The following PJVK variants were observed in gnomAD, a reference collection of about 807,000 sequenced individuals.
PJVK encodes pejvakin.
A neutral mutation model predicts 37.6 loss-of-function variants in PJVK; 33 were observed. The ratio of observed to expected loss-of-function variants is 0.88; its 90% CI spans 0.67 to 1.17. The LOEUF is 1.17. Among genes scored for constraint, PJVK ranks in the 50% most tolerant of loss-of-function variants. The pLI, the probability that PJVK is intolerant of heterozygous loss-of-function variation, is 0.00. For missense variants in PJVK, 410 were observed against 413.8 expected (o/e 0.99, Z 0.08); for synonymous variants, 141 against 143.5 (o/e 0.98, Z 0.13).
rs2288322 is a variant in PJVK at position 178,458,390 on chromosome 2, C to T, written c.550-120C>T. ...AATGGTTTAATTCAAGCAGAATAAT[C>T]CTTTACTTGGGAATTTTTTGTTTTG... On this transcript the variant is annotated intron_variant, in intron 4 of 6. Transcript: ENST00000644580. 247,146 of 773,078 alleles carry T rather than the reference C, an allele frequency of 0.32. 44,966 individuals carry two copies. Among genetic ancestry groups the T allele is most frequent in the East Asian group, 0.66 (23,780 of 35,850 alleles). The allele number at this position is 773,078 out of a possible 1,614,324, so 47.9% of individuals were successfully genotyped here. A position where few individuals can be genotyped will look rare whatever the true frequency, so the allele number is the denominator to read the frequency against.
At position 178,454,430 on chromosome 2, in the gene PJVK, G is replaced by C; in HGVS notation, c.310G>C (p.Val104Leu). The C allele has an allele frequency of 1.2e-6, 2 of 1,613,972 alleles. No homozygotes were observed. The highest frequency in any genetic ancestry group is 1.7e-6 in the Non-Finnish European group (2 of 1,179,958). ...NHIVNDVGINVAGSDSIAVKA... is the reference protein window; with the variant it reads ...NHIVNDVGINLAGSDSIAVKA... Reference sequence around the variant, plus strand: ...TATTGTAAATGACGTTGGGATTAACGTTGCTGGATCAGATTCCATTGCAGT... The same window carrying C: ...TATTGTAAATGACGTTGGGATTAACCTTGCTGGATCAGATTCCATTGCAGT... The change falls in exon 3 of 7, where the codon GTT (valine) becomes CTT (leucine). Residue 104 changes from valine (V) to leucine (L), a missense_variant. Transcript: ENST00000644580.
chr2:178,460,369 C>T lies in PJVK; in HGVS notation c.689C>T (p.Ser230Leu). ...GTAGACCTTTGTGTCACTTCAGTGT[C>T]AAAAGGAGGATTTGAAAGGGAAGAA... ...GAFDLCVTSVSKGGFEREETA... is the reference protein window; with the variant it reads ...GAFDLCVTSVLKGGFEREETA... The change falls in exon 6 of 7, where the codon TCA (serine) becomes TTA (leucine). Residue 230 changes from serine (S) to leucine (L), a missense_variant. Ser to Leu is a moderately radical substitution (Grantham distance 145). Coordinates refer to ENST00000644580, the MANE Select transcript of PJVK (RefSeq NM_001042702.5). 1 of 1,613,818 alleles carries T rather than the reference C, an allele frequency of 6.2e-7. No homozygotes were observed. Among genetic ancestry groups the T allele is most frequent in the Non-Finnish European group, 8.5e-7 (1 of 1,179,902 alleles).
Position 178,453,438 on chromosome 2 carries a change from T to G in PJVK, c.29T>G (p.Val10Gly), listed in dbSNP as rs1362804893. 22 of 1,614,062 alleles carry G rather than the reference T, an allele frequency of 1.4e-5. No homozygotes were observed. Among genetic ancestry groups the G allele is most frequent in the Non-Finnish European group, 1.9e-5 (22 of 1,180,018 alleles). Residue 10 changes from valine to glycine, a missense_variant, in exon 2 of 7, where the codon GTC becomes GGC. Transcript: ENST00000644580. MFAAATKSF[V>G]KQVGDGGRLV... is the part of the protein sequence containing the mutation. ...TTTGCTGCTGCTACCAAGAGCTTTG[T>G]CAAGCAAGTTGGAGATGGAGGGAGA...
At chr2:178,451,931 C>G in intron 1 of PJVK, 162 bp downstream of exon 1, 3 of 743,078 alleles carry the variant, frequency 4.0e-6, no homozygotes, top group Non-Finnish European at 4.9e-6. Context: ...CAGAAATGCT[C>G]CCCTGTGCTT....
chr2:178,452,677 C>A, intron 1 of PJVK: 1 of 967,172 alleles, frequency 1.0e-6, no homozygotes, highest in Non-Finnish European at 1.2e-6. Context: ...AAAGATGCAG[C>A]AGGACTCCAT....
chr2:178,453,105 A>G (rs1266074913), intron 1 of PJVK: 4 of 362,716 alleles, frequency 1.1e-5, no homozygotes, highest in East Asian at 1.4e-4. Context: ...GATCCTTATC[A>G]TAGACATTGG....
intron 6 of PJVK, 51 bp downstream of exon 6, chr2:178,460,497 T>C (rs761545212): frequency 2.7e-6 from 4 of 1,498,782 alleles, no homozygotes; most frequent in Non-Finnish European, 3.7e-6. Flanking sequence ...CTTTCCTGGC[T>C]TAACACATGA....
chr2:178,460,544 A>T, intron 6 of PJVK, 98 bp downstream of exon 6: 1 of 1,161,864 alleles, frequency 8.6e-7, no homozygotes, highest in Non-Finnish European at 1.2e-6. Flanking sequence ...TTAAGGAAAA[A>T]TTTAAATTTA....
intron 4 of PJVK, 58 bp from the exon 5 acceptor site, chr2:178,458,452 A>C: frequency 7.3e-7 from 1 of 1,363,976 alleles, no homozygotes; most frequent in Admixed American, 1.8e-5. Flanking sequence ...TCATTTCTCC[A>C]AAAAGCTATC....
chr2:178,455,991 T>G lies in PJVK; in HGVS notation c.408-19T>G. The G allele has an allele frequency of 6.2e-7, 1 of 1,612,822 alleles. No homozygotes were observed. Among genetic ancestry groups the G allele is most frequent in the Non-Finnish European group, 8.5e-7 (1 of 1,179,236 alleles). ...ATTAGATGTTATAGAGTCTTGTGAATGTATCTTCTTTATTTTAGAAAAATT... is the reference window on the plus strand; with the variant it reads ...ATTAGATGTTATAGAGTCTTGTGAAGGTATCTTCTTTATTTTAGAAAAATT... On this transcript the variant is annotated intron_variant, in intron 3 of 6. Transcript: ENST00000644580.
At chr2:178,460,509 G>A in intron 6 of PJVK, 63 bp downstream of exon 6, 1 of 1,429,596 alleles carries the variant, frequency 7.0e-7, no homozygotes, top group Admixed American at 1.7e-5. Context: ...AACACATGAG[G>A]TTTTCTATTC....
intron 1 of PJVK, chr2:178,453,093 G>A (rs764448967): frequency 6.0e-5 from 21 of 350,690 alleles, no homozygotes; most frequent in African/African-American, 1.1e-4. Context: ...ACTATCTACT[G>A]TGATCCTTAT....
At chr2:178,457,135 T>C (rs533015440) in intron 4 of PJVK, among the ~76,000 whole-genome samples, 18 of 152,124 alleles carry the variant, frequency 1.2e-4, no homozygotes, top group African/African-American at 4.3e-4. Context: ...CGCCCGGCAG[T>C]GTTATCCAGG....
At chr2:178,458,907 G>A (rs898237343) in intron 5 of PJVK, among the ~76,000 whole-genome samples, 1 of 152,138 alleles carries the variant, frequency 6.6e-6, no homozygotes, top group African/African-American at 2.4e-5. Flanking sequence ...TACTGACAAA[G>A]TATTCCTTAG....
chr2:178,458,487 T>C (rs202078173), intron 4 of PJVK, 23 bp from the exon 5 acceptor site: 1 of 1,507,260 alleles, frequency 6.6e-7, no homozygotes, highest in African/African-American at 1.4e-5. Flanking sequence ...TCCTTAATTA[T>C]GTTATTTATT....
At chr2:178,453,917 C>T (rs1697882327) in intron 2 of PJVK, 1 of 370,616 alleles carries the variant, frequency 2.7e-6, no homozygotes, top group African/African-American at 2.1e-5. Context: ...ATTATTTGGG[C>T]TTACCTATGT....
In PJVK at chr2:178,456,071, T is replaced by G. The variant is rs753719879; in HGVS notation, c.469T>G (p.Cys157Gly). The G allele has an allele frequency of 1.2e-6, 2 of 1,614,236 alleles. No homozygotes were observed. Among genetic ancestry groups the G allele is most frequent in the Admixed American group, 3.3e-5 (2 of 60,030 alleles). Residue 157 changes from cysteine to glycine, a missense_variant, in exon 4 of 7, where the codon TGT becomes GGT. Coordinates refer to ENST00000644580, the MANE Select transcript of PJVK (RefSeq NM_001042702.5). The stretch of plus-strand genomic sequence containing the variant: ...AAGGAGCAGCAGAAAGGCAGTATTG[T>G]GTGTGGTCATGGAGAGCATCCGAAC... ...QSRSSRKAVL[C>G]VVMESIRTTR...
intron 1 of PJVK, 176 bp downstream of exon 1, chr2:178,451,945 C>G (rs1489960637): frequency 2.7e-5 from 18 of 660,282 alleles, no homozygotes; most frequent in Non-Finnish European, 3.4e-5. Context: ...TGTGCTTACT[C>G]GGTGTTATGG....
At position 178,451,394 on chromosome 2, in the gene PJVK, C is replaced by T. The variant is rs1697650252; in HGVS notation, c.-398C>T. On this transcript the variant is annotated 5_prime_UTR_variant, in exon 1 of 7. Coordinates refer to ENST00000644580, the MANE Select transcript of PJVK (RefSeq NM_001042702.5). The stretch of plus-strand genomic sequence containing the variant: ...GCCGGCCCTGACCAGCCTGTAGTAA[C>T]TGGCCCCTAGGCCGCAGTTCTTTGT... The T allele has an allele frequency of 3.2e-6, 1 of 309,676 alleles. No individual in the cohort carries two copies. The highest frequency in any genetic ancestry group is 2.2e-5 in the African/African-American group (1 of 44,806). The allele number at this position is 309,676 out of a possible 1,614,324, so 19.2% of individuals were successfully genotyped here. A position where few individuals can be genotyped will look rare whatever the true frequency, so the allele number is the denominator to read the frequency against.
Sources: gnomAD v4.1 joint callset for allele counts (sites outside exome capture counted in the v4.1 genomes callset) on GRCh38, gnomAD v4.1.1 for gene constraint, MANE v1.5 for transcripts, NCBI Gene and HGNC (gene_info 2026-07-23, HGNC 2026-07-21) for gene names.